UBE2K: variants seen among roughly 807,000 people sequenced by gnomAD.
UBE2K encodes the protein ubiquitin-conjugating enzyme E2 K.
Under a neutral mutation model 30.0 loss-of-function variants are expected in UBE2K, and 6 were observed. The ratio of observed to expected loss-of-function variants is 0.20; its 90% confidence interval spans 0.11 to 0.39. The LOEUF (loss-of-function observed/expected upper bound fraction) is 0.39, where lower values mean the gene tolerates loss of function less well. UBE2K is among the 10% of genes least tolerant of loss of function. UBE2K has a pLI of 1.00. For synonymous variants in UBE2K, 86 were observed against 83.7 expected (o/e 1.03, Z -0.15); for missense variants, 61 against 241.6 (o/e 0.25, Z 4.96).
At chr4:39,729,065 T>C (rs1187313251) in intron 1 of UBE2K, among the ~76,000 whole-genome samples, 1 of 151,606 alleles carries the variant, frequency 6.6e-6, no homozygotes, top group African/African-American at 2.4e-5. Context: ...GTGTCTTGGA[T>C]TCAAGCAGTT....
chr4:39,714,546 A>ATTTTTTT lies in UBE2K; in HGVS notation c.63+16157_63+16158insTTTTTTT, dbSNP rs879776892. ...TATATATATATATATATATATATAT[A>ATTTTTTT]TATATTTTTTTTTTTTTTTAAGACT... On this transcript the variant is annotated intron_variant, in intron 1 of 6. Transcript: ENST00000261427. 57 of 25,274 alleles carry ATTTTTTT rather than the reference A, an allele frequency of 2.3e-3. 1 individual carries two copies. The highest frequency in any genetic ancestry group is 0.019 in the Middle Eastern group (1 of 52). The allele number at this position is 25,274 out of a possible 1,614,324, so 1.6% of individuals were successfully genotyped here. A position where few individuals can be genotyped will look rare whatever the true frequency, so the allele number is the denominator to read the frequency against.
At chr4:39,714,550 A>ATATATATATATTTTTTTTT in intron 1 of UBE2K, 2 of 17,850 alleles carry the variant, frequency 1.1e-4, no homozygotes, top group African/African-American at 2.5e-4. Context: ...ATATATATAT[A>ATATATATATATTTTTTTTT]TTTTTTTTTT....
intron 3 of UBE2K, among the ~76,000 whole-genome samples, chr4:39,752,065 A>C (rs1156436459): frequency 6.6e-6 from 1 of 152,356 alleles, no homozygotes. Context: ...CATCTTCAAT[A>C]GTGTTTTAAA....
At chr4:39,699,580 CA>C (rs1717894378) in intron 1 of UBE2K, among the ~76,000 whole-genome samples, 1 of 152,072 alleles carries the variant, frequency 6.6e-6, no homozygotes, top group Admixed American at 6.6e-5. Flanking sequence ...TTGTCTTCCC[CA>C]CATGAATTAA....
chr4:39,703,479 CT>C (rs1227626775), intron 1 of UBE2K, among the ~76,000 whole-genome samples: 1 of 152,054 alleles, frequency 6.6e-6, no homozygotes, highest in Admixed American at 6.6e-5. Context: ...TGTGACCGCA[CT>C]TTAGCCTGGG....
At chr4:39,750,028 A>G (rs1266576310) in intron 3 of UBE2K, among the ~76,000 whole-genome samples, 1 of 152,130 alleles carries the variant, frequency 6.6e-6, no homozygotes, top group Non-Finnish European at 1.5e-5. Flanking sequence ...GTGAAACCCC[A>G]TCTCTACTAA....
rs544443578 is a variant in UBE2K, at chr4:39,725,889, C to G, written c.64-11531C>G. Among the ~76,000 whole-genome samples the G allele has an allele frequency of 2.6e-5, 4 of 152,006 alleles. No individual in the cohort carries two copies. In the East Asian group the frequency reaches 7.8e-4, roughly 29 times the overall value. On this transcript the variant is annotated intron_variant, in intron 1 of 6. Coordinates refer to ENST00000261427, the MANE Select transcript of UBE2K (RefSeq NM_005339.5). ...AACTCCTGGGCTCAAGCAGTCTGTC[C>G]ACCTTGGCCTTCCAAAGTGTTGGGA... is the stretch of plus-strand genomic sequence containing the variant.
At chr4:39,750,237 A>G (rs985253795) in intron 3 of UBE2K, among the ~76,000 whole-genome samples, 1 of 152,132 alleles carries the variant, frequency 6.6e-6, no homozygotes, top group Admixed American at 6.5e-5. Context: ...CACTTCACAT[A>G]TCTTCAGGTC....
intron 4 of UBE2K, among the ~76,000 whole-genome samples, chr4:39,772,498 CAA>C (rs1462204030): frequency 6.6e-6 from 1 of 151,450 alleles, no homozygotes; most frequent in Non-Finnish European, 1.5e-5. Context: ...TCACCTGAGC[CAA>C]AGAGGTCAAG....
intron 5 of UBE2K, among the ~76,000 whole-genome samples, chr4:39,775,910 CCTT>C (rs1182044526): frequency 6.6e-6 from 1 of 151,942 alleles, no homozygotes; most frequent in Non-Finnish European, 1.5e-5. Context: ...CAATTATTTC[CCTT>C]CTTACTCGTC....
chr4:39,740,552 A>G (rs896670213), intron 2 of UBE2K, among the ~76,000 whole-genome samples: 1 of 151,180 alleles, frequency 6.6e-6, no homozygotes, highest in Non-Finnish European at 1.5e-5. Flanking sequence ...AAAAGAAAAA[A>G]AAAAAGATAC....
rs1354761879 is a variant in UBE2K at position 39,757,011 on chromosome 4, G to GTTTTTTTTTTTT, written c.299+1278_299+1279insTTTTTTTTTTTT. Among the ~76,000 whole-genome samples the GTTTTTTTTTTTT allele has an allele frequency of 6.8e-4, 52 of 76,814 alleles. 1 individual carries two copies. The highest frequency in any genetic ancestry group is 2.0e-3 in the East Asian group (4 of 2,012). 50.4% of individuals were successfully genotyped at this position (76,814 alleles called of 152,430 possible). ...ATGTTTTTTTGGGTGTTTTTTTTTT[G>GTTTTTTTTTTTT]TTTTTTGTTTTTTGTTTTTTGTTTT... On this transcript the variant is annotated intron_variant, in intron 4 of 6. Coordinates refer to ENST00000261427, the MANE Select transcript of UBE2K (RefSeq NM_005339.5).
intron 3 of UBE2K, among the ~76,000 whole-genome samples, chr4:39,748,600 C>T (rs1721097803): frequency 6.8e-6 from 1 of 147,730 alleles, no homozygotes; most frequent in Admixed American, 6.8e-5. Context: ...GACAACATAG[C>T]AAGGCCCTGT....
intron 1 of UBE2K, among the ~76,000 whole-genome samples, chr4:39,699,117 A>G (rs555834236): frequency 6.6e-6 from 1 of 152,338 alleles, no homozygotes; most frequent in Admixed American, 6.5e-5. Flanking sequence ...TGAGTGGGCA[A>G]AGGCAAGGTG....
intron 1 of UBE2K, among the ~76,000 whole-genome samples, chr4:39,733,051 G>GAAAAAAAA (rs59978380): frequency 1.6e-4 from 16 of 97,040 alleles, no homozygotes; most frequent in East Asian, 3.4e-4. Flanking sequence ...GGAACATCAG[G>GAAAAAAAA]AAAAAAAAAA....
chr4:39,746,853 T>C (rs369189411), intron 3 of UBE2K, among the ~76,000 whole-genome samples: 1 of 152,276 alleles, frequency 6.6e-6, no homozygotes, highest in Non-Finnish European at 1.5e-5. Flanking sequence ...TAGCATTTTA[T>C]ACAATTTATA....
rs1713577085 is a variant in UBE2K, at chr4:39,780,966, C to T, written c.*2532C>T. 1 of 152,012 alleles carries T rather than the reference C, an allele frequency of 6.6e-6. No homozygotes were observed. The highest frequency in any genetic ancestry group is 2.4e-5 in the African/African-American group (1 of 41,418). The allele number at this position is 152,012 out of a possible 1,614,324, so 9.4% of individuals were successfully genotyped here. A position where few individuals can be genotyped will look rare whatever the true frequency, so the allele number is the denominator to read the frequency against. ...TTAAAAAAAAAATCCAGTGAAATCC[C>T]ATTTAGGGCAGGCCGATTTGTTAGA... On this transcript the variant is annotated 3_prime_UTR_variant, in exon 7 of 7. Transcript: ENST00000261427.
intron 2 of UBE2K, among the ~76,000 whole-genome samples, chr4:39,745,080 C>G (rs888861518): frequency 6.6e-6 from 1 of 152,048 alleles, no homozygotes; most frequent in Non-Finnish European, 1.5e-5. Context: ...AGGCTCTACT[C>G]AAACTCCTGG....
chr4:39,727,340 T>C (rs543044587), intron 1 of UBE2K, among the ~76,000 whole-genome samples: 1 of 152,296 alleles, frequency 6.6e-6, no homozygotes, highest in African/African-American at 2.4e-5. Context: ...TTTTCTTTTC[T>C]CTTTAATAAT....
Sources: gnomAD v4.1 joint callset for allele counts (sites outside exome capture counted in the v4.1 genomes callset) on GRCh38, gnomAD v4.1.1 for gene constraint, MANE v1.5 for transcripts, NCBI Gene and HGNC (gene_info 2026-07-23, HGNC 2026-07-21) for gene names.